The following RGS6 variants were observed in gnomAD, a reference collection of about 807,000 sequenced individuals.
RGS6 encodes regulator of G protein signaling 6, also known as regulator of G-protein signaling 6.
RGS6 carries 30 observed loss-of-function variants against 78.5 expected under a neutral mutation model. The ratio of observed to expected loss-of-function variants is 0.38; its 90% CI spans 0.29 to 0.52. RGS6 has a LOEUF of 0.52. Ranked by LOEUF, RGS6 falls within the 20% of genes least tolerant of loss-of-function variation. The pLI, the probability that RGS6 is intolerant of heterozygous loss-of-function variation, is 0.85. For missense variants in RGS6, 495 were observed against 609.7 expected, an observed-to-expected ratio of 0.81 and a Z score of 1.98; for synonymous variants, 206 against 206.0, an observed-to-expected ratio of 1.00 and a Z score of 0.00.
intron 17 of RGS6, among the ~76,000 whole-genome samples, chr14:72,543,968 T>G (rs2097359496): frequency 6.6e-6 from 1 of 152,150 alleles, no homozygotes; most frequent in Non-Finnish European, 1.5e-5. Flanking sequence ...ACTCCTGACC[T>G]CAAGTGATCC....
At chr14:72,510,335 A>C (rs902561716) in intron 14 of RGS6, 56 bp downstream of exon 14, 24 of 1,603,576 alleles carry the variant, frequency 1.5e-5, no homozygotes, top group Non-Finnish European at 1.9e-5. Context: ...AATTTGCATA[A>C]TCGGTCTCTC....
At chr14:72,109,064 T>G (rs2095695010) in intron 2 of RGS6, among the ~76,000 whole-genome samples, 1 of 152,112 alleles carries the variant, frequency 6.6e-6, no homozygotes, top group African/African-American at 2.4e-5. Flanking sequence ...TTTATGTAAT[T>G]TTTTTTAAAA....
chr14:72,279,560 G>A (rs370016645), intron 2 of RGS6, among the ~76,000 whole-genome samples: 1 of 152,172 alleles, frequency 6.6e-6, no homozygotes. Context: ...ACGTTGACAT[G>A]CTACAAAGCC....
the RGS6 span, among the ~76,000 whole-genome samples, chr14:72,615,338 G>A: frequency 7.9e-5 from 12 of 152,086 alleles, no homozygotes; most frequent in African/African-American, 1.7e-4. Flanking sequence ...TTTCTTCAGC[G>A]GCATAAAAGA....
chr14:71,936,030 A>ATATATACATATATATATATATATATG lies in RGS6; in HGVS notation c.-21+3095_-21+3096insCATATATATATATATATATGTATATA, dbSNP rs1555390439. ...GAACTAATAGGATATATATATATATATATATATATATGTACATATATATCA... is the reference window on the plus strand; with the variant it reads ...GAACTAATAGGATATATATATATATATATATACATATATATATATATATATGTATATATATATGTACATATATATCA... On this transcript the variant is annotated intron_variant, in intron 1 of 17. Transcript: ENST00000553525. 3.2e-4 allele frequency among the ~76,000 whole-genome samples: 43 copies of ATATATACATATATATATATATATATG among 133,218 alleles called. 1 individual carries two copies. Among genetic ancestry groups the ATATATACATATATATATATATATATG allele is most frequent in the Non-Finnish European group, 4.2e-4 (26 of 62,138 alleles). 87.4% of individuals were successfully genotyped at this position (133,218 alleles called of 152,430 possible). A position where few individuals can be genotyped will look rare whatever the true frequency, so the allele number is the denominator to read the frequency against.
the RGS6 span, among the ~76,000 whole-genome samples, chr14:71,904,362 A>G: frequency 2.4e-4 from 36 of 152,334 alleles, no homozygotes; most frequent in South Asian, 5.4e-3. Flanking sequence ...AAGTTACTCC[A>G]ATTAGAGGTA....
At chr14:72,042,205 G>A (rs1211070639) in intron 2 of RGS6, among the ~76,000 whole-genome samples, 7 of 146,668 alleles carry the variant, frequency 4.8e-5, no homozygotes, top group South Asian at 2.1e-4. Flanking sequence ...TCAGTTTACC[G>A]CAACCTCTGC....
the RGS6 span, among the ~76,000 whole-genome samples, chr14:72,575,980 C>T: frequency 6.6e-6 from 1 of 152,234 alleles, no homozygotes; most frequent in African/African-American, 2.4e-5. Context: ...GCCAGAGGCT[C>T]CCGTTCCTGT....
the RGS6 span, among the ~76,000 whole-genome samples, chr14:71,902,625 C>G: frequency 6.6e-6 from 1 of 151,800 alleles, no homozygotes; most frequent in African/African-American, 2.4e-5. Flanking sequence ...GAGGAAAACT[C>G]CGAGAACTAC....
At chr14:72,494,211 T>C (rs928836419) in intron 12 of RGS6, among the ~76,000 whole-genome samples, 4 of 152,220 alleles carry the variant, frequency 2.6e-5, no homozygotes, top group African/African-American at 9.6e-5. Context: ...GAAAAAGTAG[T>C]ATGATATTTA....
chr14:72,492,328 A>G (rs1052894267), intron 12 of RGS6, among the ~76,000 whole-genome samples: 3 of 152,198 alleles, frequency 2.0e-5, no homozygotes, highest in Non-Finnish European at 4.4e-5. Context: ...TCTACTGGTA[A>G]CAGACTGAGG....
intron 2 of RGS6, among the ~76,000 whole-genome samples, chr14:72,077,650 C>G (rs2094631909): frequency 6.6e-6 from 1 of 152,164 alleles, no homozygotes; most frequent in Non-Finnish European, 1.5e-5. Flanking sequence ...GTGCCTGTTC[C>G]TTACTGTCTT....
chr14:71,886,918 G>A, the RGS6 span, among the ~76,000 whole-genome samples: 9 of 152,302 alleles, frequency 5.9e-5, no homozygotes, highest in South Asian at 6.2e-4. Flanking sequence ...TTGGGAGGCC[G>A]AGGCGGGTGG....
chr14:71,892,800 A>T, the RGS6 span, among the ~76,000 whole-genome samples: 1 of 152,238 alleles, frequency 6.6e-6, no homozygotes, highest in Admixed American at 6.5e-5. Flanking sequence ...GTAATTACAA[A>T]TGTAATGTGG....
intron 3 of RGS6, among the ~76,000 whole-genome samples, chr14:72,451,521 C>G (rs530936780): frequency 2.2e-4 from 33 of 152,000 alleles, no homozygotes; most frequent in African/African-American, 8.0e-4. Context: ...GATATGATAG[C>G]AAGGAAGGAG....
chr14:71,937,597 A>G (rs528789269), intron 1 of RGS6, among the ~76,000 whole-genome samples: 2 of 152,180 alleles, frequency 1.3e-5, no homozygotes, highest in Non-Finnish European at 2.9e-5. Flanking sequence ...GATGGGGAGC[A>G]TGGTAAGACC....
chr14:72,106,920 G>A (rs1459761492), intron 2 of RGS6, among the ~76,000 whole-genome samples: 1 of 152,050 alleles, frequency 6.6e-6, no homozygotes, highest in African/African-American at 2.4e-5. Context: ...GTGGGACTGC[G>A]TTTTTTGTTT....
At chr14:72,210,151 A>G (rs766105788) in intron 2 of RGS6, among the ~76,000 whole-genome samples, 3 of 152,194 alleles carry the variant, frequency 2.0e-5, no homozygotes, top group Non-Finnish European at 2.9e-5. Flanking sequence ...TTATCTAATA[A>G]AGTGTTCAAA....
At chr14:72,167,169 G>A (rs1321128878) in intron 2 of RGS6, among the ~76,000 whole-genome samples, 1 of 152,198 alleles carries the variant, frequency 6.6e-6, no homozygotes, top group East Asian at 1.9e-4. Context: ...ATTTGAGCTT[G>A]TTTATGCAGT....
Sources: gnomAD v4.1 joint callset for allele counts (sites outside exome capture counted in the v4.1 genomes callset) on GRCh38, gnomAD v4.1.1 for gene constraint, MANE v1.5 for transcripts, NCBI Gene and HGNC (gene_info 2026-07-23, HGNC 2026-07-21) for gene names.